ZNF408: variants seen among roughly 807,000 people sequenced by gnomAD.
ZNF408 encodes the protein PR domain zinc finger protein 17.
Under a neutral mutation model 27.6 loss-of-function variants are expected in ZNF408, and 24 were observed. That is an observed-to-expected ratio of 0.87 (90% CI 0.63 to 1.22). The LOEUF is 1.22. ZNF408 is among the 50% of genes most tolerant of loss of function. ZNF408 has a pLI of 0.00. For missense variants in ZNF408, 897 were observed against 949.0 expected, an observed-to-expected ratio of 0.95 and a Z score of 0.72; for synonymous variants, 410 against 396.1, an observed-to-expected ratio of 1.04 and a Z score of -0.42.
rs1409937116 is a variant in ZNF408, at chr11:46,705,554, C to T, written c.1854C>T (p.Leu618=). 7.5e-6 allele frequency: 12 copies of T among 1,605,394 alleles called. No homozygotes were observed. The highest frequency in any genetic ancestry group is 9.3e-6 in the Non-Finnish European group (11 of 1,179,974). Residue 618 remains leucine (L), a synonymous_variant, in exon 5 of 5, where the codon CTC becomes CTT. Transcript: ENST00000311764. This position sits in a 1 kb window ranked among gnomAD's most constrained non-coding sequence, Gnocchi z 6.5. ...RCPTCGMGYT[L]PQSLRRHQLS... is the part of the protein sequence containing the mutation. Reference sequence around the variant, plus strand: ...CCACCTGTGGCATGGGCTACACCCTCCCGCAGAGCCTCAGGCGGCATCAGC... The same window carrying T: ...CCACCTGTGGCATGGGCTACACCCTTCCGCAGAGCCTCAGGCGGCATCAGC...
Position 46,704,777 on chromosome 11 carries a change from C to T in ZNF408, c.1077C>T (p.Gly359=). 6.3e-7 allele frequency: 1 copy of T among 1,596,432 alleles called. No individual in the cohort carries two copies. ...QGRRYRCGEC[G]KAFLQLCHLK... The stretch of plus-strand genomic sequence containing the variant: ...GACGGTACCGGTGTGGAGAGTGTGG[C>T]AAGGCATTCCTACAGCTGTGCCACC... The change falls in exon 5 of 5, where the codon GGC becomes GGT. Residue 359 remains glycine (G), a synonymous_variant. Transcript: ENST00000311764.
Position 46,704,368 on chromosome 11 carries a change from C to T in ZNF408, c.668C>T (p.Ser223Leu). ...AEPCIDPGSQ[S>L]PSGIQAENMV... is the part of the protein sequence containing the mutation. ...TGCCTTGCAGATCCTGGTTCCCAGTCACCCTCTGGCATCCAGGCAGAGAAT... is the reference window on the plus strand; with the variant it reads ...TGCCTTGCAGATCCTGGTTCCCAGTTACCCTCTGGCATCCAGGCAGAGAAT... The change falls in exon 5 of 5, where the codon TCA (serine) becomes TTA (leucine). Residue 223 changes from serine to leucine, a missense_variant. Transcript: ENST00000311764. The T allele has an allele frequency of 6.3e-7, 1 of 1,593,052 alleles. No homozygotes were observed. The highest frequency in any genetic ancestry group is 8.6e-7 in the Non-Finnish European group (1 of 1,168,142).
In ZNF408 at chr11:46,701,424, C is replaced by T; in HGVS notation, c.78C>T (p.Asp26=). The part of the protein sequence containing the change: ...QLAREPRLGL[D]LGWNPSGEGC... The stretch of plus-strand genomic sequence containing the variant: ...CCCGCGAGCCGCGCCTGGGCCTGGA[C>T]TTAGGATGGAACCCTTCCGGAGAAG... Residue 26 remains aspartate, a synonymous_variant, in exon 2 of 5, where the codon GAC becomes GAT. Coordinates refer to ENST00000311764, the MANE Select transcript of ZNF408 (RefSeq NM_024741.3). 6.2e-7 allele frequency: 1 copy of T among 1,613,926 alleles called. No homozygotes were observed. Among genetic ancestry groups the T allele is most frequent in the South Asian group, 1.1e-5 (1 of 91,084 alleles).
Position 46,704,771 on chromosome 11 carries a change from G to A in ZNF408, c.1071G>A (p.Glu357=), listed in dbSNP as rs1250784102. The A allele has an allele frequency of 1.9e-6, 3 of 1,596,776 alleles. No individual in the cohort carries two copies. The highest frequency in any genetic ancestry group is 2.7e-5 in the African/African-American group (2 of 74,426). ...PKQGRRYRCG[E]CGKAFLQLCH... Reference sequence around the variant, plus strand: ...AGGGGCGACGGTACCGGTGTGGAGAGTGTGGCAAGGCATTCCTACAGCTGT... The same window carrying A: ...AGGGGCGACGGTACCGGTGTGGAGAATGTGGCAAGGCATTCCTACAGCTGT... The change falls in exon 5 of 5, where the codon GAG becomes GAA. Residue 357 remains glutamate, a synonymous_variant. Coordinates refer to ENST00000311764, the MANE Select transcript of ZNF408 (RefSeq NM_024741.3).
rs748478667 is a variant in ZNF408 at position 46,703,071 on chromosome 11, G to A, written c.480G>A (p.Leu160=). 6.2e-7 allele frequency: 1 copy of A among 1,613,716 alleles called. No individual in the cohort carries two copies. The highest frequency in any genetic ancestry group is 8.5e-7 in the Non-Finnish European group (1 of 1,179,814). The change falls in exon 4 of 5, where the codon CTG becomes CTA. Residue 160 remains leucine (L), a synonymous_variant. Coordinates refer to ENST00000311764, the MANE Select transcript of ZNF408 (RefSeq NM_024741.3). The stretch of plus-strand genomic sequence containing the variant: ...GGCTTCATCTGCAAGTGTACCAGCT[G>A]GTGCTGCCAGGCTCTGAACTGCTGC... ...SERLHLQVYQ[L]VLPGSELLLW...
At position 46,702,781 on chromosome 11, in the gene ZNF408, G is replaced by GT; in HGVS notation, c.392+17dup. 2 of 1,614,038 alleles carry GT rather than the reference G, an allele frequency of 1.2e-6. No homozygotes were observed. Among genetic ancestry groups the GT allele is most frequent in the Non-Finnish European group, 1.7e-6 (2 of 1,179,874 alleles). On this transcript the variant is annotated intron_variant, in intron 3 of 4. Transcript: ENST00000311764. The stretch of plus-strand genomic sequence containing the variant: ...GCTGGACTAGGTAAGTCAGAGGAGA[G>GT]TGTGTCGTTCCTTTGAGGTTTTCTG...
chr11:46,704,417 C>T lies in ZNF408; in HGVS notation c.717C>T (p.Phe239=). 1.2e-6 allele frequency: 2 copies of T among 1,613,832 alleles called. No homozygotes were observed. Among genetic ancestry groups the T allele is most frequent in the Non-Finnish European group, 1.7e-6 (2 of 1,179,820 alleles). Reference sequence around the variant, plus strand: ...ATATGGTGAGCCCTGGACTTAAGTTCCCAACCCAGGACCGAATTTCCAAGG... The same window carrying T: ...ATATGGTGAGCCCTGGACTTAAGTTTCCAACCCAGGACCGAATTTCCAAGG... ...AENMVSPGLK[F]PTQDRISKDS... is the part of the protein sequence containing the mutation. Residue 239 remains phenylalanine, a synonymous_variant, in exon 5 of 5, where the codon TTC becomes TTT. Coordinates refer to ENST00000311764, the MANE Select transcript of ZNF408 (RefSeq NM_024741.3).
chr11:46,701,340 T>C, intron 1 of ZNF408, 59 bp from the exon 2 acceptor site: 1 of 1,589,590 alleles, frequency 6.3e-7, no homozygotes, highest in Non-Finnish European at 8.6e-7. Flanking sequence ...CCTCCCACAC[T>C]TTTCCCCACC....
rs761309547 is a variant in ZNF408, at chr11:46,705,208, G to A, written c.1508G>A (p.Arg503Gln). The part of the protein sequence containing the change: ...EKPFLCPHCG[R>Q]AFRQRGNLRG... ...CCTTTCCTGTGCCCGCACTGTGGCC[G>A]GGCGTTTCGTCAGCGGGGCAACCTG... The change falls in exon 5 of 5, where the codon CGG (arginine) becomes CAG (glutamine). Residue 503 changes from arginine (R) to glutamine (Q), a missense_variant. Transcript: ENST00000311764. The surrounding 1 kb of genome is among the most constrained non-coding windows in gnomAD (Gnocchi z 6.5). The A allele has an allele frequency of 5.6e-6, 9 of 1,611,756 alleles. No individual in the cohort carries two copies. Among genetic ancestry groups the A allele is most frequent in the East Asian group, 4.5e-5 (2 of 44,866 alleles).
rs140201502 is a variant in ZNF408, at chr11:46,703,048, C to T, written c.457C>T (p.Leu153Phe). The T allele has an allele frequency of 5.3e-4, 863 of 1,614,008 alleles. No homozygotes were observed. Among genetic ancestry groups the T allele is most frequent in the Non-Finnish European group, 6.7e-4 (794 of 1,179,918 alleles). Residue 153 changes from leucine (L) to phenylalanine (F), a missense_variant, in exon 4 of 5, where the codon CTT becomes TTT. By Grantham distance (22) the Leu-to-Phe change is conservative. Coordinates refer to ENST00000311764, the MANE Select transcript of ZNF408 (RefSeq NM_024741.3). ...NVAPVRISER[L>F]HLQVYQLVLP... ...GGCCCCAGTGCGGATCAGCGAGAGG[C>T]TTCATCTGCAAGTGTACCAGCTGGT...
Position 46,705,150 on chromosome 11 carries a change from C to T in ZNF408, c.1450C>T (p.Arg484Trp), listed in dbSNP as rs777516867. Reference protein sequence around the residue: ...GRPLANQGSLRNHMRLHTGEK... With the variant: ...GRPLANQGSLWNHMRLHTGEK... ...GCCCCTGGCCAACCAGGGCTCCCTG[C>T]GGAACCATATGAGGCTCCATACAGG... is the stretch of plus-strand genomic sequence containing the variant. Residue 484 changes from arginine to tryptophan, a missense_variant, in exon 5 of 5, where the codon CGG (arginine) becomes TGG (tryptophan). Arg to Trp is a moderately radical substitution (Grantham distance 101). Transcript: ENST00000311764. The surrounding 1 kb of genome is among the most constrained non-coding windows in gnomAD (Gnocchi z 6.5). 23 of 1,611,190 alleles carry T rather than the reference C, an allele frequency of 1.4e-5. No homozygotes were observed. The highest frequency in any genetic ancestry group is 2.2e-5 in the East Asian group (1 of 44,890).
chr11:46,701,148 C>G, intron 1 of ZNF408, 49 bp downstream of exon 1: 2 of 1,613,808 alleles, frequency 1.2e-6, no homozygotes, highest in Non-Finnish European at 1.7e-6. Context: ...CCAGGTGGAT[C>G]TGACGCTCTG....
rs2064747518 is a variant in ZNF408, at chr11:46,705,705, C to T, written c.2005C>T (p.Pro669Ser). Reference sequence around the variant, plus strand: ...CACACACAGAGAGGAGGAAGTCTCCCCCGCCAGGGATGTTGTTGAGGTCAC... The same window carrying T: ...CACACACAGAGAGGAGGAAGTCTCCTCCGCCAGGGATGTTGTTGAGGTCAC... Reference protein sequence around the residue: ...LDTHREEEVSPARDVVEVTIS... With the variant: ...LDTHREEEVSSARDVVEVTIS... Residue 669 changes from proline to serine, a missense_variant, in exon 5 of 5, where the codon CCC becomes TCC. By Grantham distance (74) the Pro-to-Ser change is moderately conservative. Coordinates refer to ENST00000311764, the MANE Select transcript of ZNF408 (RefSeq NM_024741.3). This position sits in a 1 kb window ranked among gnomAD's most constrained non-coding sequence, Gnocchi z 6.5. The T allele has an allele frequency of 5.6e-6, 9 of 1,613,520 alleles. No individual in the cohort carries two copies. Among genetic ancestry groups the T allele is most frequent in the Non-Finnish European group, 5.9e-6 (7 of 1,179,790 alleles).
chr11:46,701,346 C>A, intron 1 of ZNF408, 53 bp from the exon 2 acceptor site: 2 of 1,593,444 alleles, frequency 1.3e-6, no homozygotes, highest in African/African-American at 1.3e-5. Context: ...ACACTTTTCC[C>A]CACCTCCCAC....
Position 46,703,218 on chromosome 11 carries a change from G to A in ZNF408, c.627G>A (p.Gly209=). The A allele has an allele frequency of 3.1e-6, 5 of 1,613,608 alleles. No homozygotes were observed. The highest frequency in any genetic ancestry group is 3.4e-6 in the Non-Finnish European group (4 of 1,179,918). ...SAVQQEVASP[G]EDAAEPCIDP... ...TACAGCAGGAAGTGGCCTCCCCTGG[G>A]GAGGATGCAGCAGAACCTTGCATAG... Residue 209 remains glycine (G), a synonymous_variant, in exon 4 of 5, where the codon GGG becomes GGA. Coordinates refer to ENST00000311764, the MANE Select transcript of ZNF408 (RefSeq NM_024741.3).
chr11:46,701,196 C>T, intron 1 of ZNF408, 97 bp downstream of exon 1: 4 of 1,600,206 alleles, frequency 2.5e-6, no homozygotes, highest in Admixed American at 3.4e-5. Flanking sequence ...CCTCCGGATC[C>T]CAGGATCCTC....
Position 46,701,387 on chromosome 11 carries a change from TTC to T in ZNF408, c.53-6_53-5del, listed in dbSNP as rs757860157. The T allele has an allele frequency of 1.9e-6, 3 of 1,612,008 alleles. No individual in the cohort carries two copies. The African/African-American group carries it at 4.0e-5, about 21-fold the overall frequency. On this transcript the variant is annotated splice_polypyrimidine_tract_variant and intron_variant, in intron 1 of 4. Transcript: ENST00000311764. Reference sequence around the variant, plus strand: ...TGGGTGGCTCCCTCACTGTCTTCCCTTCTCTCTGCAGCCCGCGAGCCGCGCCT... The same window carrying T: ...TGGGTGGCTCCCTCACTGTCTTCCCTTCTCTGCAGCCCGCGAGCCGCGCCT...
rs754460485 is a variant in ZNF408, at chr11:46,701,393, C to G, written c.53-6C>G. 2 of 1,612,690 alleles carry G rather than the reference C, an allele frequency of 1.2e-6. No homozygotes were observed. Among genetic ancestry groups the G allele is most frequent in the Non-Finnish European group, 8.5e-7 (1 of 1,179,066 alleles). ...GCTCCCTCACTGTCTTCCCTTCTCT[C>G]TGCAGCCCGCGAGCCGCGCCTGGGC... On this transcript the variant is annotated splice_polypyrimidine_tract_variant and splice_region_variant and intron_variant, in intron 1 of 4. Coordinates refer to ENST00000311764, the MANE Select transcript of ZNF408 (RefSeq NM_024741.3).
intron 3 of ZNF408, 61 bp from the exon 4 acceptor site, chr11:46,702,923 T>A: frequency 6.2e-7 from 1 of 1,603,068 alleles, no homozygotes; most frequent in Non-Finnish European, 8.5e-7. Flanking sequence ...GGACTGGGGC[T>A]TTCGGGGAAG....
Sources: allele counts gnomAD v4.1 joint callset, GRCh38; gene constraint gnomAD v4.1.1; non-coding constraint Gnocchi (gnomAD v3.1); transcripts MANE v1.5; gene names NCBI Gene and HGNC (gene_info 2026-07-23, HGNC 2026-07-21).